The following SETBP1 variants were observed in gnomAD, a reference collection of about 807,000 sequenced individuals.
SETBP1 encodes the protein SET-binding protein.
A neutral mutation model predicts 101.0 loss-of-function variants in SETBP1; 9 were observed. That is an observed-to-expected ratio of 0.09 (90% CI 0.05 to 0.16). The LOEUF (loss-of-function observed/expected upper bound fraction) is 0.16, where lower values mean the gene tolerates loss of function less well. Among genes scored for constraint, SETBP1 ranks in the 10% least tolerant of loss-of-function variants. The pLI, the probability that SETBP1 is intolerant of heterozygous loss-of-function variation, is 1.00. For missense variants in SETBP1, 1,858 were observed against 2,033.8 expected (o/e 0.91, Z 1.66); for synonymous variants, 818 against 788.5 (o/e 1.04, Z -0.63).
chr18:44,726,309 C>T (rs1453180707), intron 2 of SETBP1, among the ~76,000 whole-genome samples: 2 of 152,110 alleles, frequency 1.3e-5, no homozygotes, highest in Non-Finnish European at 2.9e-5. Flanking sequence ...GTTGTAGTAA[C>T]TAAAGCTGGC....
chr18:44,827,359 C>T (rs186133325), intron 2 of SETBP1, among the ~76,000 whole-genome samples: 6 of 152,266 alleles, frequency 3.9e-5, no homozygotes, highest in African/African-American at 7.2e-5. Flanking sequence ...ATTAGAGACA[C>T]GCTTGTGTTA....
intron 3 of SETBP1, among the ~76,000 whole-genome samples, chr18:44,946,114 CCTT>C (rs1330047293): frequency 3.9e-5 from 6 of 152,222 alleles, no homozygotes; most frequent in Admixed American, 3.9e-4. Flanking sequence ...AGAAAGCACT[CCTT>C]CTGGGTCCTC....
At chr18:44,787,861 A>AAAAAAAAAAAAAAAAAAAAATAAAT (rs1568144630) in intron 2 of SETBP1, among the ~76,000 whole-genome samples, 2 of 70,820 alleles carry the variant, frequency 2.8e-5, no homozygotes, top group African/African-American at 1.1e-4. Context: ...AGTCCGTCTC[A>AAAAAAAAAAAAAAAAAAAAATAAAT]AAAAAAAAAA....
At chr18:44,757,644 A>G (rs1468548929) in intron 2 of SETBP1, among the ~76,000 whole-genome samples, 1 of 152,182 alleles carries the variant, frequency 6.6e-6, no homozygotes, top group South Asian at 2.1e-4. Flanking sequence ...CATCTGTACT[A>G]TCTTATTTAA....
At chr18:44,869,197 T>A (rs771609095) in intron 2 of SETBP1, 33 bp from the exon 3 acceptor site, 19 of 1,606,448 alleles carry the variant, frequency 1.2e-5, no homozygotes, top group Non-Finnish European at 1.6e-5. Flanking sequence ...AACTGAAAAG[T>A]GTCACTGAGA....
At position 44,708,053 on chromosome 18, in the gene SETBP1, A is replaced by G. The variant is rs150583951; in HGVS notation, c.486+6221A>G. ...TTTACACGTGGGTGAGGAGGGGTCT[A>G]TGAGAGGAGGTGTTTGGCAGAGGGT... On this transcript the variant is annotated intron_variant, in intron 2 of 5. Transcript: ENST00000649279. 3.7e-3 allele frequency among the ~76,000 whole-genome samples: 558 copies of G among 152,252 alleles called. 3 individuals carry two copies. Among genetic ancestry groups the G allele is most frequent in the African/African-American group, 0.013 (521 of 41,538 alleles).
chr18:44,818,578 C>T (rs1036342685), intron 2 of SETBP1, among the ~76,000 whole-genome samples: 3 of 152,126 alleles, frequency 2.0e-5, no homozygotes, highest in African/African-American at 7.2e-5. Context: ...CATCCCCCAT[C>T]CATATTAACT....
chr18:44,727,314 T>C (rs930158720), intron 2 of SETBP1, among the ~76,000 whole-genome samples: 7 of 152,176 alleles, frequency 4.6e-5, no homozygotes, highest in Admixed American at 1.3e-4. Context: ...AAGTGATATC[T>C]GCAGAGGTTC....
intron 2 of SETBP1, among the ~76,000 whole-genome samples, chr18:44,754,548 A>C (rs1266641175): frequency 2.6e-5 from 4 of 152,212 alleles, no homozygotes; most frequent in Non-Finnish European, 5.9e-5. Flanking sequence ...TAAGTTTAAA[A>C]GTCAGGAGCA....
chr18:44,989,930 A>G (rs1407910185), intron 4 of SETBP1, among the ~76,000 whole-genome samples: 1 of 150,006 alleles, frequency 6.7e-6, no homozygotes, highest in Admixed American at 6.7e-5. Flanking sequence ...GACACACTGT[A>G]ATCAAACAAA....
At chr18:44,979,148 C>T (rs546865073) in intron 4 of SETBP1, among the ~76,000 whole-genome samples, 1 of 152,240 alleles carries the variant, frequency 6.6e-6, no homozygotes, top group Admixed American at 6.5e-5. Flanking sequence ...GCTACCACAA[C>T]ACCATGAGAG....
intron 2 of SETBP1, among the ~76,000 whole-genome samples, chr18:44,814,836 G>A (rs563476839): frequency 2.0e-5 from 3 of 152,346 alleles, no homozygotes; most frequent in South Asian, 2.1e-4. Context: ...TTGGTGATGA[G>A]CATTTTCTGG....
chr18:44,925,150 C>T (rs12968834), intron 3 of SETBP1, among the ~76,000 whole-genome samples: 35,711 of 150,432 alleles, frequency 0.24, 4,293 homozygotes, highest in East Asian at 0.27. Flanking sequence ...TGGGTACATA[C>T]CCATGAGGCA....
intron 2 of SETBP1, among the ~76,000 whole-genome samples, chr18:44,866,082 C>T (rs1392528765): frequency 6.6e-6 from 1 of 152,184 alleles, no homozygotes; most frequent in South Asian, 2.1e-4. Context: ...CACTATCTCT[C>T]CCTGGTGATG....
chr18:44,729,824 T>C (rs911982222), intron 2 of SETBP1, among the ~76,000 whole-genome samples: 11 of 152,214 alleles, frequency 7.2e-5, no homozygotes, highest in African/African-American at 2.7e-4. Context: ...CAAAGAGTGG[T>C]CTGGCTAGAG....
At chr18:44,941,175 G>C (rs2071082367) in intron 3 of SETBP1, among the ~76,000 whole-genome samples, 1 of 148,066 alleles carries the variant, frequency 6.8e-6, no homozygotes, top group Admixed American at 6.9e-5. Flanking sequence ...TCCACTTCCT[G>C]GTTTCAAGCA....
intron 3 of SETBP1, among the ~76,000 whole-genome samples, chr18:44,908,713 A>G (rs991332712): frequency 2.0e-4 from 30 of 152,162 alleles, no homozygotes; most frequent in African/African-American, 6.8e-4. Context: ...CAACTTGTCA[A>G]TATCTGTAGA....
chr18:45,007,846 A>G (rs1568024611), intron 4 of SETBP1, among the ~76,000 whole-genome samples: 2 of 152,182 alleles, frequency 1.3e-5, no homozygotes, highest in Admixed American at 6.5e-5. Flanking sequence ...CAGTTGAACC[A>G]GGGCTGACCC....
At chr18:45,003,132 T>G (rs2072650635) in intron 4 of SETBP1, among the ~76,000 whole-genome samples, 1 of 152,232 alleles carries the variant, frequency 6.6e-6, no homozygotes. Context: ...TCCAGAGATT[T>G]TGGTATATTT....
Sources: allele counts gnomAD v4.1 joint callset (sites outside exome capture counted in the v4.1 genomes callset), GRCh38; gene constraint gnomAD v4.1.1; transcripts MANE v1.5; gene names NCBI Gene and HGNC (gene_info 2026-07-23, HGNC 2026-07-21).